The following SDHC variants were observed in gnomAD, a reference collection of about 807,000 sequenced individuals.
SDHC encodes succinate dehydrogenase complex subunit C, also known as succinate dehydrogenase cytochrome b560 subunit, mitochondrial.
SDHC carries 11 observed loss-of-function variants against 22.6 expected under a neutral mutation model. That is an observed-to-expected ratio of 0.49 (90% confidence interval 0.31 to 0.81). SDHC has a LOEUF of 0.81. SDHC is among the 30% of genes least tolerant of loss of function. The pLI, the probability that SDHC is intolerant of heterozygous loss-of-function variation, is 0.05. For missense variants in SDHC, 160 were observed against 212.0 expected, an observed-to-expected ratio of 0.75 and a Z score of 1.52; for synonymous variants, 80 against 77.8, an observed-to-expected ratio of 1.03 and a Z score of -0.15.
chr1:161,318,625 A>G (rs1670716590), intron 1 of SDHC, among the ~76,000 whole-genome samples: 1 of 152,164 alleles, frequency 6.6e-6, no homozygotes, highest in African/African-American at 2.4e-5. Context: ...TTAAGGTTTA[A>G]CTCTCAATTT....
At chr1:161,355,738 C>T (rs1571888424) in intron 4 of SDHC, among the ~76,000 whole-genome samples, 1 of 152,114 alleles carries the variant, frequency 6.6e-6, no homozygotes, top group Admixed American at 6.6e-5. Flanking sequence ...AATCCCAGCG[C>T]TTTGGGAGGC....
chr1:161,358,485 A>T (rs555340629), intron 5 of SDHC, among the ~76,000 whole-genome samples: 2 of 152,028 alleles, frequency 1.3e-5, no homozygotes, highest in Admixed American at 6.6e-5. Context: ...CTGGTTTCTA[A>T]AATTAGCCAG....
intron 4 of SDHC, among the ~76,000 whole-genome samples, chr1:161,352,034 G>A (rs764331349): frequency 2.6e-5 from 4 of 152,158 alleles, no homozygotes; most frequent in East Asian, 1.9e-4. Context: ...TCAAGAAAAA[G>A]CACTATTTAA....
chr1:161,357,011 A>T (rs371120265), intron 5 of SDHC, among the ~76,000 whole-genome samples, 171 bp downstream of exon 5: 1 of 151,864 alleles, frequency 6.6e-6, no homozygotes, highest in Non-Finnish European at 1.5e-5. Context: ...GCTCACTGCA[A>T]CTTCTGCCTC....
At chr1:161,328,708 C>A (rs943049840) in intron 3 of SDHC, among the ~76,000 whole-genome samples, 2 of 152,166 alleles carry the variant, frequency 1.3e-5, no homozygotes, top group African/African-American at 4.8e-5. Context: ...CTTGTCATTA[C>A]AAGGGTAATC....
chr1:161,317,867 A>G (rs1670685638), intron 1 of SDHC, among the ~76,000 whole-genome samples: 1 of 151,876 alleles, frequency 6.6e-6, no homozygotes, highest in Non-Finnish European at 1.5e-5. Flanking sequence ...ATGTAACAAC[A>G]TAATAACATA....
At position 161,328,990 on chromosome 1, in the gene SDHC, C is replaced by T. The variant is rs1258369531; in HGVS notation, c.179+493C>T. Among the ~76,000 whole-genome samples, 3 of 152,080 alleles carry T rather than the reference C, an allele frequency of 2.0e-5. No individual in the cohort carries two copies. The South Asian group carries it at 6.2e-4, about 32-fold the overall frequency. The stretch of plus-strand genomic sequence containing the variant: ...TGGCGCGATCTCAGCTCACTGCATC[C>T]TCTGCCTCCCGGGTTCAAGCGATTC... On this transcript the variant is annotated intron_variant, in intron 3 of 5. Transcript: ENST00000367975.
At chr1:161,339,049 C>T (rs923639504) in intron 3 of SDHC, among the ~76,000 whole-genome samples, 1 of 152,074 alleles carries the variant, frequency 6.6e-6, no homozygotes, top group Non-Finnish European at 1.5e-5. Flanking sequence ...GGGGTTTCAC[C>T]GTGTTGGCCA....
chr1:161,346,424 A>T (rs1671899451), intron 4 of SDHC, among the ~76,000 whole-genome samples: 1 of 151,058 alleles, frequency 6.6e-6, no homozygotes, highest in Non-Finnish European at 1.5e-5. Context: ...TTCGAGACAG[A>T]GTTTCGCTTT....
At chr1:161,321,239 A>G (rs528819541) in intron 1 of SDHC, among the ~76,000 whole-genome samples, 2 of 152,342 alleles carry the variant, frequency 1.3e-5, no homozygotes, top group East Asian at 1.9e-4. Flanking sequence ...AGACATGTTA[A>G]TGCATTTAGA....
At chr1:161,333,849 A>G (rs1178471535) in intron 3 of SDHC, among the ~76,000 whole-genome samples, 1 of 152,182 alleles carries the variant, frequency 6.6e-6, no homozygotes, top group African/African-American at 2.4e-5. Flanking sequence ...GTTCAAGGCA[A>G]TCTGGGCTTT....
chr1:161,344,028 A>G (rs541080850), intron 4 of SDHC, among the ~76,000 whole-genome samples: 3 of 152,046 alleles, frequency 2.0e-5, no homozygotes, highest in South Asian at 2.1e-4. Flanking sequence ...CCTGGGCAAC[A>G]TATCAAGACC....
At chr1:161,325,282 A>C (rs1047891344) in intron 2 of SDHC, among the ~76,000 whole-genome samples, 1 of 151,984 alleles carries the variant, frequency 6.6e-6, no homozygotes, top group Non-Finnish European at 1.5e-5. Context: ...CTGAGGCAGG[A>C]GGATCCCTTG....
chr1:161,338,077 T>G (rs893767437), intron 3 of SDHC, among the ~76,000 whole-genome samples: 3 of 152,236 alleles, frequency 2.0e-5, no homozygotes, highest in African/African-American at 7.2e-5. Flanking sequence ...CTCAGCTCCT[T>G]CTGGGTTTCG....
In SDHC at chr1:161,340,638, G is replaced by A. The variant is rs786205147; in HGVS notation, c.224G>A (p.Gly75Asp). Reference protein sequence around the residue: ...MAMSICHRGTGIALSAGVSLF... With the variant: ...MAMSICHRGTDIALSAGVSLF... The stretch of plus-strand genomic sequence containing the variant: ...ATGTCCATCTGCCACCGTGGCACTG[G>A]TATTGCTTTGAGTGCAGGTATGTAT... Residue 75 changes from glycine to aspartate, a missense_variant, in exon 4 of 6, where the codon GGT becomes GAT. Coordinates refer to ENST00000367975, the MANE Select transcript of SDHC (RefSeq NM_003001.5). 6.2e-7 allele frequency: 1 copy of A among 1,613,770 alleles called. No individual in the cohort carries two copies. Among genetic ancestry groups the A allele is most frequent in the Non-Finnish European group, 8.5e-7 (1 of 1,179,734 alleles).
chr1:161,352,419 T>A (rs1558180728), intron 4 of SDHC, among the ~76,000 whole-genome samples: 2 of 151,684 alleles, frequency 1.3e-5, no homozygotes, highest in African/African-American at 2.4e-5. Context: ...GAGATTTGTA[T>A]AAAAAAAAAT....
At chr1:161,321,462 A>G (rs1324936305) in intron 1 of SDHC, among the ~76,000 whole-genome samples, 2 of 152,252 alleles carry the variant, frequency 1.3e-5, no homozygotes. Flanking sequence ...GGCACGCCAT[A>G]GATTCCAACC....
At position 161,324,423 on chromosome 1, in the gene SDHC, C is replaced by G. The variant is rs983987188; in HGVS notation, c.77+753C>G. Among the ~76,000 whole-genome samples the G allele has an allele frequency of 5.3e-5, 8 of 152,314 alleles. 2 individuals carry two copies. Among genetic ancestry groups the G allele is most frequent in the Admixed American group, 5.2e-4 (8 of 15,306 alleles). On this transcript the variant is annotated intron_variant, in intron 2 of 5. Transcript: ENST00000367975. ...TTTCATGGTGTATATTTATTCTCAG[C>G]CTGTTGATGTCAACAATTGCCTTTG...
chr1:161,337,543 T>TG (rs1671544422), intron 3 of SDHC, among the ~76,000 whole-genome samples: 1 of 152,184 alleles, frequency 6.6e-6, no homozygotes, highest in South Asian at 2.1e-4. Flanking sequence ...GCTAAATACT[T>TG]GCTTGATGAG....
Sources: allele counts gnomAD v4.1 joint callset (sites outside exome capture counted in the v4.1 genomes callset), GRCh38; gene constraint gnomAD v4.1.1; transcripts MANE v1.5; gene names NCBI Gene and HGNC (gene_info 2026-07-23, HGNC 2026-07-21).